Variants in GPRIN1 observed in about 807,000 individuals in gnomAD.
The protein encoded by GPRIN1 is G protein regulated inducer of neurite outgrowth 1.
Under a neutral mutation model 2.8 loss-of-function variants are expected in GPRIN1, and 4 were observed. The observed-to-expected ratio is 1.45, with a 90% confidence interval of 0.71 to 3.32. The LOEUF (loss-of-function observed/expected upper bound fraction) is 3.32. Ranked by LOEUF, GPRIN1 falls within the 30% of genes most tolerant of loss-of-function variation. The pLI is 0.01. For synonymous variants in GPRIN1, 589 were observed against 589.9 expected, an observed-to-expected ratio of 1.00 and a Z score of 0.02; for missense variants, 1,322 against 1,343.4, an observed-to-expected ratio of 0.98 and a Z score of 0.25.
In GPRIN1 at chr5:176,603,575, A is replaced by G. The variant is rs1357470243; in HGVS notation, c.-43-3698T>C. Reference sequence around the variant, plus strand: ...CTGGCTTATGAGGTGGGGGAGGGGGACCATCACTAAGAGGGAACACAGGAA... The same window carrying G: ...CTGGCTTATGAGGTGGGGGAGGGGGGCCATCACTAAGAGGGAACACAGGAA... On this transcript the variant is annotated intron_variant, in intron 1 of 1. Coordinates refer to ENST00000303991, the MANE Select transcript of GPRIN1 (RefSeq NM_052899.3). 3.3e-5 allele frequency among the ~76,000 whole-genome samples: 5 copies of G among 151,996 alleles called. No homozygotes were observed. In the East Asian group the frequency reaches 9.7e-4, roughly 29 times the overall value.
rs773758376 is a variant in GPRIN1 at position 176,596,858 on chromosome 5, T to A, written c.2977A>T (p.Ser993Cys). 1.0e-4 allele frequency: 140 copies of A among 1,387,318 alleles called. No individual in the cohort carries two copies. Among genetic ancestry groups the A allele is most frequent in the South Asian group, 1.9e-4 (11 of 57,686 alleles). The allele number at this position is 1,387,318 out of a possible 1,614,324, so 85.9% of individuals were successfully genotyped here. A position where few individuals can be genotyped will look rare whatever the true frequency, so the allele number is the denominator to read the frequency against. The change falls in exon 2 of 2, where the codon AGT becomes TGT. Residue 993 changes from serine to cysteine, a missense_variant. Ser to Cys is a moderately radical substitution (Grantham distance 112, BLOSUM62 -1). Coordinates refer to ENST00000303991, the MANE Select transcript of GPRIN1 (RefSeq NM_052899.3). This position sits in a 1 kb window ranked among gnomAD's most constrained non-coding sequence, Gnocchi z 5.2. ...GAGCAGCACCGCGGCCGGCGCACAC[T>A]CTGCAGCAGCGCGCGGAACAGGCCG... ...PPGLFRALLQ[S>C]VRRPRCCSRA...
chr5:176,604,487 G>A (rs991945773), intron 1 of GPRIN1, among the ~76,000 whole-genome samples: 14 of 152,128 alleles, frequency 9.2e-5, no homozygotes, highest in African/African-American at 3.1e-4. Context: ...CTGGGCTCAA[G>A]TGATCCTCCC....
chr5:176,603,739 G>A (rs920551275), intron 1 of GPRIN1, among the ~76,000 whole-genome samples: 1 of 152,208 alleles, frequency 6.6e-6, no homozygotes, highest in Non-Finnish European at 1.5e-5. Context: ...GTTGGAATTC[G>A]TGGGATCACT....
intron 1 of GPRIN1, among the ~76,000 whole-genome samples, chr5:176,607,903 CTTTTTTTTTTTTTTTTTTTTTTTT>C (rs35368228): frequency 3.0e-5 from 2 of 67,354 alleles, no homozygotes; most frequent in South Asian, 5.3e-4. Context: ...ACACTTGGCT[CTTTTTTTTTTTTTTTTTTTTTTTT>C]TTTTTTTTTT....
In GPRIN1 at chr5:176,596,773, A is replaced by T. The variant is rs1328142561; in HGVS notation, c.*35T>A. On this transcript the variant is annotated 3_prime_UTR_variant, in exon 2 of 2. Transcript: ENST00000303991. This position sits in a 1 kb window ranked among gnomAD's most constrained non-coding sequence, Gnocchi z 5.2. Reference sequence around the variant, plus strand: ...CTGTGATCAAGAAGGGAGCCTGAGAAGGTCGGAAACTCGGGCGTACAAAAT... The same window carrying T: ...CTGTGATCAAGAAGGGAGCCTGAGATGGTCGGAAACTCGGGCGTACAAAAT... 2.1e-6 allele frequency: 3 copies of T among 1,395,444 alleles called. No homozygotes were observed. The highest frequency in any genetic ancestry group is 2.8e-6 in the Non-Finnish European group (3 of 1,073,874). The allele number at this position is 1,395,444 out of a possible 1,614,324, so 86.4% of individuals were successfully genotyped here. A position where few individuals can be genotyped will look rare whatever the true frequency, so the allele number is the denominator to read the frequency against.
rs770565506 is a variant in GPRIN1, at chr5:176,596,721, C to T, written c.*87G>A. 35 of 1,163,064 alleles carry T rather than the reference C, an allele frequency of 3.0e-5. No individual in the cohort carries two copies. The highest frequency in any genetic ancestry group is 3.8e-5 in the Non-Finnish European group (35 of 910,424). 72.0% of individuals were successfully genotyped at this position (1,163,064 alleles called of 1,614,324 possible). ...TGCACAACCCCTCGGAGGCCTGTGG[C>T]ACGCAGAGGGGACCCCTTCTAGGGG... is the stretch of plus-strand genomic sequence containing the variant. On this transcript the variant is annotated 3_prime_UTR_variant, in exon 2 of 2. Transcript: ENST00000303991. This position sits in a 1 kb window ranked among gnomAD's most constrained non-coding sequence, Gnocchi z 5.2.
At position 176,598,964 on chromosome 5, in the gene GPRIN1, G is replaced by T. The variant is rs751650386; in HGVS notation, c.871C>A (p.Pro291Thr). 1.9e-6 allele frequency: 3 copies of T among 1,614,146 alleles called. No individual in the cohort carries two copies. The highest frequency in any genetic ancestry group is 2.5e-6 in the Non-Finnish European group (3 of 1,180,012). Residue 291 changes from proline (P) to threonine (T), a missense_variant, in exon 2 of 2, where the codon CCT becomes ACT. Coordinates refer to ENST00000303991, the MANE Select transcript of GPRIN1 (RefSeq NM_052899.3). ...GGATCTGCCTTTCCCGAGGGCCCAG[G>T]ATCTCTCTTTCCCGACAATACAAGA... Reference protein sequence around the residue: ...VDLVLSGKRDPGPSGKADPMP... With the variant: ...VDLVLSGKRDTGPSGKADPMP...
rs969943572 is a variant in GPRIN1, at chr5:176,596,608, G to T, written c.*200C>A. On this transcript the variant is annotated 3_prime_UTR_variant, in exon 2 of 2. Transcript: ENST00000303991. The surrounding 1 kb of genome is among the most constrained non-coding windows in gnomAD (Gnocchi z 5.2). ...CAGGGCTGGCCGGGTTCGTGGCCTCGTGGCCACGAGGGAGCTTGGTAGAAG... is the reference window on the plus strand; with the variant it reads ...CAGGGCTGGCCGGGTTCGTGGCCTCTTGGCCACGAGGGAGCTTGGTAGAAG... 2.6e-5 allele frequency: 9 copies of T among 341,590 alleles called. No homozygotes were observed. Among genetic ancestry groups the T allele is most frequent in the African/African-American group, 1.5e-4 (7 of 45,820 alleles). 21.2% of individuals were successfully genotyped at this position (341,590 alleles called of 1,614,324 possible). A position where few individuals can be genotyped will look rare whatever the true frequency, so the allele number is the denominator to read the frequency against.
At chr5:176,601,360 C>T (rs1759146510) in intron 1 of GPRIN1, among the ~76,000 whole-genome samples, 1 of 152,354 alleles carries the variant, frequency 6.6e-6, no homozygotes, top group Non-Finnish European at 1.5e-5. Context: ...TTCTCTGCAA[C>T]AGGCCCTGAG....
chr5:176,601,983 C>T (rs1759154923), intron 1 of GPRIN1, among the ~76,000 whole-genome samples: 1 of 152,176 alleles, frequency 6.6e-6, no homozygotes, highest in South Asian at 2.1e-4. Flanking sequence ...GGCAGTGTCT[C>T]CCCATCCCAT....
At chr5:176,600,701 G>A (rs1237487524) in intron 1 of GPRIN1, among the ~76,000 whole-genome samples, 5 of 152,008 alleles carry the variant, frequency 3.3e-5, no homozygotes, top group East Asian at 2.0e-4. Flanking sequence ...ATCACTAGAG[G>A]TCAGGAGTTC....
At chr5:176,608,541 T>C (rs1759259853) in intron 1 of GPRIN1, among the ~76,000 whole-genome samples, 1 of 152,244 alleles carries the variant, frequency 6.6e-6, no homozygotes, top group Non-Finnish European at 1.5e-5. Flanking sequence ...GGCCAGGACC[T>C]GGCTCCTGTG....
chr5:176,605,791 C>A lies in GPRIN1; in HGVS notation c.-44+4208G>T, dbSNP rs1226344807. ...AGTGAGCTATGATCAGCCTGGGTAA[C>A]AGAACAAGAAACTGTCTTTAAAACA... On this transcript the variant is annotated intron_variant, in intron 1 of 1. Transcript: ENST00000303991. Among the ~76,000 whole-genome samples the A allele has an allele frequency of 3.9e-5, 6 of 152,160 alleles. No homozygotes were observed. In the South Asian group the frequency reaches 1.2e-3, roughly 32 times the overall value.
intron 1 of GPRIN1, among the ~76,000 whole-genome samples, chr5:176,601,386 C>T (rs898745414): frequency 6.6e-6 from 1 of 152,124 alleles, no homozygotes; most frequent in African/African-American, 2.4e-5. Flanking sequence ...GCAGGAATCT[C>T]GATGAGAGAC....
chr5:176,596,796 A>G lies in GPRIN1; in HGVS notation c.*12T>C. The G allele has an allele frequency of 7.0e-7, 1 of 1,423,982 alleles. No individual in the cohort carries two copies. The highest frequency in any genetic ancestry group is 1.5e-5 in the South Asian group (1 of 66,404). The allele number at this position is 1,423,982 out of a possible 1,614,324, so 88.2% of individuals were successfully genotyped here. ...GAAGGTCGGAAACTCGGGCGTACAA[A>G]ATGGGGGCAGATCACTCGGCCGTGG... On this transcript the variant is annotated 3_prime_UTR_variant, in exon 2 of 2. Transcript: ENST00000303991. This position sits in a 1 kb window ranked among gnomAD's most constrained non-coding sequence, Gnocchi z 5.2.
In GPRIN1 at chr5:176,598,148, GGCCA is replaced by G; in HGVS notation, c.1683_1686del (p.Gly562ProfsTer10). Reference sequence around the variant, plus strand: ...GACACAGAGTCCCCTTGTCCAGAGGGGCCAGCGTCTGCCTTTCCCTTGCTCACAG... The same window carrying G: ...GACACAGAGTCCCCTTGTCCAGAGGGGCGTCTGCCTTTCCCTTGCTCACAG... On this transcript the variant is annotated frameshift_variant, in exon 2 of 2. Transcript: ENST00000303991. LOFTEE classifies it low-confidence loss of function (END_TRUNC). The G allele has an allele frequency of 1.2e-6, 2 of 1,612,684 alleles. No individual in the cohort carries two copies. The highest frequency in any genetic ancestry group is 1.7e-6 in the Non-Finnish European group (2 of 1,179,952).
rs369236654 is a variant in GPRIN1, at chr5:176,603,417, G to C, written c.-43-3540C>G. Among the ~76,000 whole-genome samples the C allele has an allele frequency of 1.2e-4, 19 of 152,262 alleles. No homozygotes were observed. In the East Asian group the frequency reaches 3.5e-3, roughly 28 times the overall value. On this transcript the variant is annotated intron_variant, in intron 1 of 1. Transcript: ENST00000303991. Reference sequence around the variant, plus strand: ...TACCAGCTTCCTGGGGATTCCTGTAGCCTCTCGTTCCTCCTCTAACAAGGC... The same window carrying C: ...TACCAGCTTCCTGGGGATTCCTGTACCCTCTCGTTCCTCCTCTAACAAGGC...
rs2113345731 is a variant in GPRIN1 at position 176,597,432 on chromosome 5, C to T, written c.2403G>A (p.Glu801=). The T allele has an allele frequency of 3.8e-6, 5 of 1,300,276 alleles. No individual in the cohort carries two copies. Among genetic ancestry groups the T allele is most frequent in the Middle Eastern group, 2.7e-4 (1 of 3,716 alleles). 80.5% of individuals were successfully genotyped at this position (1,300,276 alleles called of 1,614,324 possible). A position where few individuals can be genotyped will look rare whatever the true frequency, so the allele number is the denominator to read the frequency against. The change falls in exon 2 of 2, where the codon GAG becomes GAA. Residue 801 remains glutamate, a synonymous_variant. Coordinates refer to ENST00000303991, the MANE Select transcript of GPRIN1 (RefSeq NM_052899.3). This position sits in a 1 kb window ranked among gnomAD's most constrained non-coding sequence, Gnocchi z 6.1. ...CGCGCGGCGGCGGCGGGGCGCTCGC[C>T]TCCCACGACGGCGCCTTGGTGAAGT... The part of the protein sequence containing the change: ...RDNFTKAPSW[E]ASAPPPPRED...
In GPRIN1 at chr5:176,602,250, C is replaced by G. The variant is rs1034053824; in HGVS notation, c.-43-2373G>C. Reference sequence around the variant, plus strand: ...TCCCCAAGGCTTTCCCTGACCCATGCAATGTAAAACAGCCTCCTCCCCAGC... The same window carrying G: ...TCCCCAAGGCTTTCCCTGACCCATGGAATGTAAAACAGCCTCCTCCCCAGC... On this transcript the variant is annotated intron_variant, in intron 1 of 1. Transcript: ENST00000303991. This position sits in a 1 kb window ranked among gnomAD's most constrained non-coding sequence, Gnocchi z 4.4. Among the ~76,000 whole-genome samples, 1 of 152,206 alleles carries G rather than the reference C, an allele frequency of 6.6e-6. No homozygotes were observed. The highest frequency in any genetic ancestry group is 2.4e-5 in the African/African-American group (1 of 41,444).
Sources: gnomAD v4.1 joint callset for allele counts (sites outside exome capture counted in the v4.1 genomes callset) on GRCh38, gnomAD v4.1.1 for gene constraint, Gnocchi (gnomAD v3.1) non-coding constraint, MANE v1.5 for transcripts, NCBI Gene and HGNC (gene_info 2026-07-23, HGNC 2026-07-21) for gene names.